The following MINDY2 variants were observed in gnomAD, a reference collection of about 807,000 sequenced individuals.
The protein encoded by MINDY2 is ubiquitin carboxyl-terminal hydrolase MINDY-2.
In MINDY2, 52 loss-of-function variants were observed where a neutral mutation model predicts 68.2. The ratio of observed to expected loss-of-function variants is 0.76; its 90% CI spans 0.61 to 0.96. MINDY2 has a LOEUF of 0.96. MINDY2 is among the 40% of genes least tolerant of loss of function. MINDY2 has a pLI of 0.00. For synonymous variants in MINDY2, 372 were observed against 303.0 expected, an observed-to-expected ratio of 1.23 and a Z score of -2.36; for missense variants, 881 against 773.4, an observed-to-expected ratio of 1.14 and a Z score of -1.65.
chr15:58,821,598 GTAAA>G (rs1409403223), intron 4 of MINDY2, 115 bp from the exon 5 acceptor site: 2 of 442,748 alleles, frequency 4.5e-6, no homozygotes. Context: ...TTTGTTTTTC[GTAAA>G]TAATAGTTTT....
intron 1 of MINDY2, among the ~76,000 whole-genome samples, 200 bp downstream of exon 1, chr15:58,772,435 T>C (rs547363227): frequency 6.6e-6 from 1 of 152,200 alleles, no homozygotes; most frequent in African/African-American, 2.4e-5. Flanking sequence ...CTAACCTCAG[T>C]CTTCTCTTGT....
At chr15:58,795,986 T>C in intron 2 of MINDY2, 1 of 416,916 alleles carries the variant, frequency 2.4e-6, no homozygotes, top group Admixed American at 2.6e-5. Flanking sequence ...TATTGAATAC[T>C]GGAGAATACT....
At chr15:58,799,905 G>A (rs1369220211) in intron 2 of MINDY2, among the ~76,000 whole-genome samples, 1 of 152,192 alleles carries the variant, frequency 6.6e-6, no homozygotes, top group East Asian at 1.9e-4. Flanking sequence ...ACATAAACTG[G>A]AATGTATATT....
chr15:58,847,841 G>T (rs2032611567), intron 7 of MINDY2, among the ~76,000 whole-genome samples: 1 of 152,218 alleles, frequency 6.6e-6, no homozygotes. Context: ...GTCCAAGCAA[G>T]AGCTGATGAT....
intron 6 of MINDY2, among the ~76,000 whole-genome samples, chr15:58,842,253 TTTG>T (rs749259801): frequency 2.6e-4 from 39 of 152,070 alleles, no homozygotes; most frequent in African/African-American, 9.4e-4. Flanking sequence ...GGTTGGTTGT[TTTG>T]TTGTTGTTAT....
intron 4 of MINDY2, among the ~76,000 whole-genome samples, chr15:58,815,099 T>C (rs1445407104): frequency 1.3e-5 from 2 of 152,208 alleles, no homozygotes; most frequent in Admixed American, 6.5e-5. Context: ...ATGAATATGG[T>C]CAATGTTGGG....
intron 2 of MINDY2, among the ~76,000 whole-genome samples, chr15:58,791,359 A>C (rs1276397633): frequency 6.6e-6 from 1 of 150,976 alleles, no homozygotes; most frequent in Non-Finnish European, 1.5e-5. Context: ...GCCACTAGCC[A>C]CATGCGGTCC....
intron 6 of MINDY2, among the ~76,000 whole-genome samples, chr15:58,845,675 A>G (rs1439182396): frequency 6.6e-6 from 1 of 152,224 alleles, no homozygotes; most frequent in Non-Finnish European, 1.5e-5. Context: ...CTGTTATACA[A>G]TCCGGCAATC....
chr15:58,840,634 A>C (rs921797262), intron 6 of MINDY2, among the ~76,000 whole-genome samples: 4 of 85,428 alleles, frequency 4.7e-5, no homozygotes, highest in South Asian at 3.5e-4. Flanking sequence ...TTTACTTATT[A>C]TTATTATTAT....
Position 58,847,523 on chromosome 15 carries a change from T to A in MINDY2, c.1542+53T>A, listed in dbSNP as rs548405928. 2.1e-6 allele frequency: 3 copies of A among 1,416,904 alleles called. No individual in the cohort carries two copies. The African/African-American group carries it at 4.2e-5, about 20-fold the overall frequency. The allele number at this position is 1,416,904 out of a possible 1,614,324, so 87.8% of individuals were successfully genotyped here. On this transcript the variant is annotated intron_variant, in intron 7 of 8. Coordinates refer to ENST00000559228, the MANE Select transcript of MINDY2 (RefSeq NM_001040450.3). ...GGTTAAAATGCTGATTTTTTTCAAA[T>A]GTGAATTCATGTATCCAAAATTTTT...
intron 3 of MINDY2, among the ~76,000 whole-genome samples, chr15:58,806,621 G>A (rs916773689): frequency 2.6e-5 from 4 of 152,094 alleles, no homozygotes; most frequent in African/African-American, 9.7e-5. Flanking sequence ...GCAAATATAT[G>A]AAGGTATAAG....
At chr15:58,852,396 G>C (rs1293933951) in intron 8 of MINDY2, among the ~76,000 whole-genome samples, 1 of 151,384 alleles carries the variant, frequency 6.6e-6, no homozygotes, top group African/African-American at 2.4e-5. Flanking sequence ...TAGCACCTAT[G>C]GGTTTTATGA....
chr15:58,846,966 A>C (rs1218666323), intron 6 of MINDY2, among the ~76,000 whole-genome samples: 2 of 152,020 alleles, frequency 1.3e-5, no homozygotes, highest in African/African-American at 4.8e-5. Flanking sequence ...ACTGTAATGT[A>C]TTTTTCAGGA....
At chr15:58,787,319 A>G (rs759459794) in intron 1 of MINDY2, among the ~76,000 whole-genome samples, 1 of 151,574 alleles carries the variant, frequency 6.6e-6, no homozygotes, top group Non-Finnish European at 1.5e-5. Context: ...TAATAGTTTT[A>G]TCTCCTATGT....
chr15:58,804,779 C>T (rs1902905587), intron 3 of MINDY2, among the ~76,000 whole-genome samples: 1 of 151,442 alleles, frequency 6.6e-6, no homozygotes, highest in Non-Finnish European at 1.5e-5. Context: ...GCATTCCAGC[C>T]TGGACAACAG....
At chr15:58,798,460 T>TTA (rs1217136902) in intron 2 of MINDY2, among the ~76,000 whole-genome samples, 27 of 148,768 alleles carry the variant, frequency 1.8e-4, no homozygotes, top group African/African-American at 6.7e-4. Flanking sequence ...AAAAAAAAAT[T>TTA]TTTTTTTTTT....
chr15:58,837,715 C>T lies in MINDY2; in HGVS notation c.1368+5799C>T, dbSNP rs1344565940. ...CCAGCCAGGCTTACACATGTAATTG[C>T]AGTACTTTGAGAGGCAGAGGTGGGA... is the stretch of plus-strand genomic sequence containing the variant. On this transcript the variant is annotated intron_variant, in intron 6 of 8. Coordinates refer to ENST00000559228, the MANE Select transcript of MINDY2 (RefSeq NM_001040450.3). Among the ~76,000 whole-genome samples the T allele has an allele frequency of 3.3e-5, 5 of 152,060 alleles. 1 individual carries two copies. The highest frequency in any genetic ancestry group is 2.6e-4 in the Admixed American group (4 of 15,248).
chr15:58,779,435 A>G lies in MINDY2; in HGVS notation c.840+7200A>G, dbSNP rs541020911. Among the ~76,000 whole-genome samples the G allele has an allele frequency of 1.3e-4, 20 of 152,178 alleles. No individual in the cohort carries two copies. The South Asian group carries it at 2.5e-3, about 19-fold the overall frequency. On this transcript the variant is annotated intron_variant, in intron 1 of 8. Coordinates refer to ENST00000559228, the MANE Select transcript of MINDY2 (RefSeq NM_001040450.3). Reference sequence around the variant, plus strand: ...CTCAGATTCTTTCACATACTCTCCTAGTTTCCATCTAGGTTATGCTTTTTC... The same window carrying G: ...CTCAGATTCTTTCACATACTCTCCTGGTTTCCATCTAGGTTATGCTTTTTC...
intron 2 of MINDY2, among the ~76,000 whole-genome samples, chr15:58,790,644 T>C (rs1035783154): frequency 6.6e-6 from 1 of 152,038 alleles, no homozygotes; most frequent in African/African-American, 2.4e-5. Context: ...TAGCAAAAGA[T>C]GGTGGCTTTA....
Sources: allele counts gnomAD v4.1 joint callset (sites outside exome capture counted in the v4.1 genomes callset), GRCh38; gene constraint gnomAD v4.1.1; transcripts MANE v1.5; gene names NCBI Gene and HGNC (gene_info 2026-07-23, HGNC 2026-07-21).